The following MFSD6 variants were observed in gnomAD, a reference collection of about 807,000 sequenced individuals.
The protein encoded by MFSD6 is major facilitator superfamily domain containing 6.
A neutral mutation model predicts 56.3 loss-of-function variants in MFSD6; 26 were observed. That is an observed-to-expected ratio of 0.46 (90% CI 0.34 to 0.64). MFSD6 has a LOEUF of 0.64. Ranked by LOEUF, MFSD6 falls within the 30% of genes least tolerant of loss-of-function variation. MFSD6 has a pLI of 0.01. For synonymous variants in MFSD6, 331 were observed against 366.9 expected, an observed-to-expected ratio of 0.90 and a Z score of 1.12; for missense variants, 750 against 986.2, an observed-to-expected ratio of 0.76 and a Z score of 3.21.
intron 4 of MFSD6, among the ~76,000 whole-genome samples, chr2:190,481,925 G>T (rs1688695155): frequency 6.6e-6 from 1 of 152,232 alleles, no homozygotes; most frequent in Non-Finnish European, 1.5e-5. Context: ...CTGACAGAGA[G>T]ACTGGCTTGC....
rs1218112649 is a variant in MFSD6, at chr2:190,461,430, A to G, written c.1533-8328A>G. Reference sequence around the variant, plus strand: ...GTATCCTTTTAGAGATATTCTGTTCATATGTAAGTATGTAGCTGTATGTGT... The same window carrying G: ...GTATCCTTTTAGAGATATTCTGTTCGTATGTAAGTATGTAGCTGTATGTGT... On this transcript the variant is annotated intron_variant, in intron 3 of 7. Transcript: ENST00000392328. The surrounding 1 kb of genome is among the most constrained non-coding windows in gnomAD (Gnocchi z 5.5). 6.6e-6 allele frequency among the ~76,000 whole-genome samples: 1 copy of G among 152,236 alleles called. No individual in the cohort carries two copies. Among genetic ancestry groups the G allele is most frequent in the Non-Finnish European group, 1.5e-5 (1 of 68,036 alleles).
rs929158840 is a variant in MFSD6 at position 190,457,847 on chromosome 2, A to T, written c.1533-11911A>T. On this transcript the variant is annotated intron_variant, in intron 3 of 7. Transcript: ENST00000392328. The surrounding 1 kb of genome is among the most constrained non-coding windows in gnomAD (Gnocchi z 5.1). Reference sequence around the variant, plus strand: ...CACCACCTTGGCCAGCGTGCAGCATATGCCCCGCCATGCTGCCCATTTTAA... The same window carrying T: ...CACCACCTTGGCCAGCGTGCAGCATTTGCCCCGCCATGCTGCCCATTTTAA... Among the ~76,000 whole-genome samples the T allele has an allele frequency of 1.3e-5, 2 of 152,210 alleles. No homozygotes were observed. The highest frequency in any genetic ancestry group is 4.8e-5 in the African/African-American group (2 of 41,456).
At position 190,410,496 on chromosome 2, in the gene MFSD6, G is replaced by A. The variant is rs777106194; in HGVS notation, c.-176+1993G>A. 4.6e-5 allele frequency among the ~76,000 whole-genome samples: 7 copies of A among 152,132 alleles called. No homozygotes were observed. Among genetic ancestry groups the A allele is most frequent in the Admixed American group, 6.5e-5 (1 of 15,282 alleles). On this transcript the variant is annotated intron_variant, in intron 1 of 7. Coordinates refer to ENST00000392328, the MANE Select transcript of MFSD6 (RefSeq NM_017694.4). This position sits in a 1 kb window ranked among gnomAD's most constrained non-coding sequence, Gnocchi z 4.4. Reference sequence around the variant, plus strand: ...CTTTGAAAATTAACTTGATTTCAATGTACATGTATTACTTATGTTAACATT... The same window carrying A: ...CTTTGAAAATTAACTTGATTTCAATATACATGTATTACTTATGTTAACATT...
rs1404353503 is a variant in MFSD6 at position 190,418,003 on chromosome 2, T to A, written c.-54+2590T>A. ...GTGTGTGTGTGTGTGTGTGTGTGTATGTGAGAGAGAGAGAGATGTGGTTTA... is the reference window on the plus strand; with the variant it reads ...GTGTGTGTGTGTGTGTGTGTGTGTAAGTGAGAGAGAGAGAGATGTGGTTTA... On this transcript the variant is annotated intron_variant, in intron 2 of 7. Transcript: ENST00000392328. The surrounding 1 kb of genome is among the most constrained non-coding windows in gnomAD (Gnocchi z 4.1). Among the ~76,000 whole-genome samples, 12 of 142,972 alleles carry A rather than the reference T, an allele frequency of 8.4e-5. No homozygotes were observed. Among genetic ancestry groups the A allele is most frequent in the African/African-American group, 3.0e-4 (12 of 39,620 alleles). 93.8% of individuals were successfully genotyped at this position (142,972 alleles called of 152,430 possible).
In MFSD6 at chr2:190,431,242, C is replaced by T. The variant is rs1234758898; in HGVS notation, c.-53-4735C>T. Among the ~76,000 whole-genome samples the T allele has an allele frequency of 6.6e-6, 1 of 151,382 alleles. No homozygotes were observed. The highest frequency in any genetic ancestry group is 6.6e-5 in the Admixed American group (1 of 15,232). On this transcript the variant is annotated intron_variant, in intron 2 of 7. Transcript: ENST00000392328. This position sits in a 1 kb window ranked among gnomAD's most constrained non-coding sequence, Gnocchi z 4.4. ...CAGACTGGGCAGCCAGGCAGAGGGG[C>T]TCCTCACCTCCCAGAGGATGGGCGG...
chr2:190,437,647 G>A lies in MFSD6; in HGVS notation c.1532+86G>A. On this transcript the variant is annotated intron_variant, in intron 3 of 7. Transcript: ENST00000392328. This position sits in a 1 kb window ranked among gnomAD's most constrained non-coding sequence, Gnocchi z 5.9. ...TAGCTCCTTCTACTACAATTTTAAGGTATTATAATTTGTGTTGAGGATAGG... is the reference window on the plus strand; with the variant it reads ...TAGCTCCTTCTACTACAATTTTAAGATATTATAATTTGTGTTGAGGATAGG... The A allele has an allele frequency of 6.9e-7, 1 of 1,442,382 alleles. No individual in the cohort carries two copies. Among genetic ancestry groups the A allele is most frequent in the Non-Finnish European group, 9.3e-7 (1 of 1,070,468 alleles). 89.3% of individuals were successfully genotyped at this position (1,442,382 alleles called of 1,614,324 possible).
rs762573221 is a variant in MFSD6, at chr2:190,488,733, T to C, written c.1707T>C (p.Ser569=). ...SAAVPPELRT[S]AQGILQGLHL... is the part of the protein sequence containing the mutation. The stretch of plus-strand genomic sequence containing the variant: ...CCGTTCCCCCTGAGCTGAGGACATC[T>C]GCTCAGGGCATCCTGCAGGGCCTTC... The change falls in exon 5 of 8, where the codon TCT becomes TCC. Residue 569 remains serine, a synonymous_variant. Transcript: ENST00000392328. The surrounding 1 kb of genome is among the most constrained non-coding windows in gnomAD (Gnocchi z 6.4). 5.0e-6 allele frequency: 8 copies of C among 1,610,310 alleles called. No individual in the cohort carries two copies. The highest frequency in any genetic ancestry group is 5.9e-6 in the Non-Finnish European group (7 of 1,178,312).
Position 190,436,248 on chromosome 2 carries a change from C to A in MFSD6, c.219C>A (p.Val73=), listed in dbSNP as rs1004398686. The stretch of plus-strand genomic sequence containing the variant: ...ACAACGATCTTCTAATTTCCAAGGT[C>A]TTTTATTTTTTCTTTTACTCTGCCT... ...KINNDLLISK[V]FYFFFYSAYG... Residue 73 remains valine (V), a synonymous_variant, in exon 3 of 8, where the codon GTC becomes GTA. Coordinates refer to ENST00000392328, the MANE Select transcript of MFSD6 (RefSeq NM_017694.4). This position sits in a 1 kb window ranked among gnomAD's most constrained non-coding sequence, Gnocchi z 5.3. The A allele has an allele frequency of 4.3e-6, 7 of 1,613,952 alleles. No individual in the cohort carries two copies. Among genetic ancestry groups the A allele is most frequent in the South Asian group, 1.1e-5 (1 of 91,082 alleles).
At chr2:190,408,694 G>GCTCCCTCCCTCC (rs138138355) in intron 1 of MFSD6, among the ~76,000 whole-genome samples, 191 bp downstream of exon 1, 20 of 151,534 alleles carry the variant, frequency 1.3e-4, no homozygotes, top group African/African-American at 4.8e-4. Flanking sequence ...CTCGCCCGCC[G>GCTCCCTCCCTCC]CTCCCTCCCT....
chr2:190,453,842 A>G (rs1378782498), intron 3 of MFSD6, among the ~76,000 whole-genome samples: 2 of 152,188 alleles, frequency 1.3e-5, no homozygotes, highest in Non-Finnish European at 2.9e-5. Flanking sequence ...GGTAAGTGCA[A>G]TGTAAACTGA....
Position 190,437,258 on chromosome 2 carries a change from A to G in MFSD6, c.1229A>G (p.Gln410Arg). 1 of 1,614,158 alleles carries G rather than the reference A, an allele frequency of 6.2e-7. No individual in the cohort carries two copies. The highest frequency in any genetic ancestry group is 8.5e-7 in the Non-Finnish European group (1 of 1,180,018). ...DSKGKEVEIPQVERNNSTESS... is the reference protein window; with the variant it reads ...DSKGKEVEIPRVERNNSTESS... ...AAAGGGAAAGAGGTGGAGATCCCGC[A>G]GGTGGAAAGGAACAACTCTACAGAG... is the stretch of plus-strand genomic sequence containing the variant. Residue 410 changes from glutamine (Q) to arginine (R), a missense_variant, in exon 3 of 8, where the codon CAG becomes CGG. Transcript: ENST00000392328. This position sits in a 1 kb window ranked among gnomAD's most constrained non-coding sequence, Gnocchi z 5.9.
rs914447046 is a variant in MFSD6, at chr2:190,437,104, G to A, written c.1075G>A (p.Gly359Arg). The change falls in exon 3 of 8, where the codon GGG (glycine) becomes AGG (arginine). Residue 359 changes from glycine to arginine, a missense_variant. By Grantham distance (125) the Gly-to-Arg change is moderately radical (BLOSUM62 -2). Transcript: ENST00000392328. This position sits in a 1 kb window ranked among gnomAD's most constrained non-coding sequence, Gnocchi z 5.9. ...CATCGAAGTGCTCATCGATGGAAAGGGGTGTAAGCCCCCCGAGTACAGGAA... is the reference window on the plus strand; with the variant it reads ...CATCGAAGTGCTCATCGATGGAAAGAGGTGTAAGCCCCCCGAGTACAGGAA... ...THIEVLIDGK[G>R]CKPPEYRNYQ... 6.2e-7 allele frequency: 1 copy of A among 1,614,118 alleles called. No individual in the cohort carries two copies. Among genetic ancestry groups the A allele is most frequent in the African/African-American group, 1.3e-5 (1 of 74,928 alleles).
At chr2:190,464,221 G>A (rs1687480487) in intron 3 of MFSD6, among the ~76,000 whole-genome samples, 1 of 152,158 alleles carries the variant, frequency 6.6e-6, no homozygotes, top group Non-Finnish European at 1.5e-5. Context: ...GAACTTCCAA[G>A]TGATAAAAAA....
At chr2:190,493,880 G>A (rs1462429376) in intron 6 of MFSD6, among the ~76,000 whole-genome samples, 1 of 152,092 alleles carries the variant, frequency 6.6e-6, no homozygotes, top group African/African-American at 2.4e-5. Flanking sequence ...TAAGGGGAAA[G>A]GTCATAGCCT....
intron 4 of MFSD6, among the ~76,000 whole-genome samples, chr2:190,474,933 A>T (rs1409068013): frequency 3.3e-5 from 5 of 152,280 alleles, no homozygotes; most frequent in Non-Finnish European, 7.3e-5. Context: ...AATAAATGTA[A>T]TCCAGCATAT....
chr2:190,470,331 T>C (rs3811608), intron 4 of MFSD6, among the ~76,000 whole-genome samples: 22,299 of 152,234 alleles, frequency 0.15, 1,849 homozygotes, highest in Middle Eastern at 0.22. Flanking sequence ...TGTTTTTCCA[T>C]GAACTTTAAA....
In MFSD6 at chr2:190,497,426, C is replaced by A. The variant is rs1689764713; in HGVS notation, c.1892-13C>A. 5 of 1,606,448 alleles carry A rather than the reference C, an allele frequency of 3.1e-6. No homozygotes were observed. Among genetic ancestry groups the A allele is most frequent in the South Asian group, 1.1e-5 (1 of 90,034 alleles). ...ATGCTGAAAAAATAGTTTAAACATT[C>A]TTTTCTCTCCAGACAAGACAATGTT... On this transcript the variant is annotated splice_polypyrimidine_tract_variant and intron_variant, in intron 6 of 7. Coordinates refer to ENST00000392328, the MANE Select transcript of MFSD6 (RefSeq NM_017694.4). This position sits in a 1 kb window ranked among gnomAD's most constrained non-coding sequence, Gnocchi z 5.2.
In MFSD6 at chr2:190,502,000, G is replaced by A. The variant is rs1574279834; in HGVS notation, c.*1782G>A. 1 of 152,612 alleles carries A rather than the reference G, an allele frequency of 6.6e-6. No individual in the cohort carries two copies. The highest frequency in any genetic ancestry group is 1.9e-4 in the East Asian group (1 of 5,194). 9.5% of individuals were successfully genotyped at this position (152,612 alleles called of 1,614,324 possible). On this transcript the variant is annotated 3_prime_UTR_variant, in exon 8 of 8. Coordinates refer to ENST00000392328, the MANE Select transcript of MFSD6 (RefSeq NM_017694.4). ...TACTGTATCTTGTGTTTACAGTTCT[G>A]ATTTATTCCTTTGAAAAGCCTGCTG... is the stretch of plus-strand genomic sequence containing the variant.
intron 4 of MFSD6, among the ~76,000 whole-genome samples, chr2:190,483,566 G>C (rs1017095238): frequency 2.0e-5 from 3 of 152,196 alleles, no homozygotes; most frequent in African/African-American, 7.2e-5. Flanking sequence ...GTTGGGCGCA[G>C]TGGCTCACGC....
Sources: gnomAD v4.1 joint callset for allele counts (sites outside exome capture counted in the v4.1 genomes callset) on GRCh38, gnomAD v4.1.1 for gene constraint, Gnocchi (gnomAD v3.1) non-coding constraint, MANE v1.5 for transcripts, NCBI Gene and HGNC (gene_info 2026-07-23, HGNC 2026-07-21) for gene names.